The following MPP7 variants were observed in gnomAD, a reference collection of about 807,000 sequenced individuals.
The protein encoded by MPP7 is MAGUK p55 subfamily member 7.
Under a neutral mutation model 76.5 loss-of-function variants are expected in MPP7, and 60 were observed. The observed-to-expected ratio is 0.78, with a 90% CI of 0.64 to 0.97. The LOEUF (loss-of-function observed/expected upper bound fraction) is 0.97. MPP7 is among the 50% of genes least tolerant of loss of function. MPP7 has a pLI of 0.00. For synonymous variants in MPP7, 237 were observed against 244.5 expected (o/e 0.97, Z 0.29); for missense variants, 641 against 694.0 (o/e 0.92, Z 0.86).
chr10:28,304,500 C>A (rs1233527340), upstream of MPP7, among the ~76,000 whole-genome samples: 1 of 152,146 alleles, frequency 6.6e-6, no homozygotes, highest in African/African-American at 2.4e-5. Flanking sequence ...TCTTTTTTCT[C>A]TCTTACTTCC....
chr10:28,246,453 T>C (rs926828206), intron 1 of MPP7, among the ~76,000 whole-genome samples: 4 of 152,184 alleles, frequency 2.6e-5, no homozygotes, highest in African/African-American at 9.7e-5. Flanking sequence ...AGGGAGTCTT[T>C]CAAGTCTAAA....
chr10:28,134,457 T>C (rs1835292816), intron 5 of MPP7, among the ~76,000 whole-genome samples: 3 of 152,212 alleles, frequency 2.0e-5, no homozygotes, highest in African/African-American at 7.2e-5. Flanking sequence ...TTTGGTAACT[T>C]GCCCTTTCAC....
chr10:28,059,203 G>T (rs1363977645), intron 14 of MPP7, among the ~76,000 whole-genome samples: 1 of 152,232 alleles, frequency 6.6e-6, no homozygotes, highest in Non-Finnish European at 1.5e-5. Context: ...GCTAGCTAGA[G>T]AAGACGGTAC....
At chr10:28,321,911 T>C (rs1388010496) in intron 2 of MPP7, among the ~76,000 whole-genome samples, 1 of 150,738 alleles carries the variant, frequency 6.6e-6, no homozygotes, top group African/African-American at 2.5e-5. Flanking sequence ...TTATTTAGAC[T>C]GCATTATACC....
At chr10:28,122,531 T>C (rs908896065) in intron 8 of MPP7, among the ~76,000 whole-genome samples, 2 of 152,156 alleles carry the variant, frequency 1.3e-5, no homozygotes, top group East Asian at 1.9e-4. Context: ...CATATAAATA[T>C]ACCTATTTTC....
intron 11 of MPP7, among the ~76,000 whole-genome samples, chr10:28,115,111 T>G (rs1193718362): frequency 1.4e-5 from 2 of 142,170 alleles, no homozygotes; most frequent in African/African-American, 5.5e-5. Context: ...TTTGTTTTTG[T>G]TTTTTTTTGA....
intron 2 of MPP7, among the ~76,000 whole-genome samples, chr10:28,313,943 T>C (rs968222593): frequency 2.0e-5 from 3 of 146,492 alleles, no homozygotes; most frequent in Non-Finnish European, 3.0e-5. Flanking sequence ...TGGGCTCAAG[T>C]AGTCCTCCCG....
intron 3 of MPP7, among the ~76,000 whole-genome samples, chr10:28,181,380 G>A (rs1007102993): frequency 6.6e-6 from 1 of 152,094 alleles, no homozygotes; most frequent in Non-Finnish European, 1.5e-5. Flanking sequence ...TAAACCAGGT[G>A]GATAAAAATA....
At chr10:28,110,260 T>C (rs1834466914) in intron 11 of MPP7, among the ~76,000 whole-genome samples, 1 of 152,156 alleles carries the variant, frequency 6.6e-6, no homozygotes, top group Non-Finnish European at 1.5e-5. Context: ...CGGCTAATTT[T>C]TGTACTTTTA....
chr10:28,124,742 A>C (rs1002493820), intron 7 of MPP7, among the ~76,000 whole-genome samples: 8 of 151,810 alleles, frequency 5.3e-5, no homozygotes, highest in East Asian at 1.9e-4. Context: ...CTTGGCCTCC[A>C]AAAGTGCTGG....
intron 13 of MPP7, among the ~76,000 whole-genome samples, chr10:28,060,470 T>C (rs1851736915): frequency 6.6e-6 from 1 of 152,150 alleles, no homozygotes; most frequent in African/African-American, 2.4e-5. Context: ...CTAAAAACTA[T>C]GGATGCCAAG....
chr10:28,059,423 G>A, intron 14 of MPP7: 1 of 422,992 alleles, frequency 2.4e-6, no homozygotes, highest in East Asian at 4.5e-5. Flanking sequence ...ATTCTGCAAA[G>A]CAGTGTCTAC....
At chr10:28,129,545 G>A (rs1011031198) in intron 6 of MPP7, among the ~76,000 whole-genome samples, 39 of 149,842 alleles carry the variant, frequency 2.6e-4, no homozygotes, top group South Asian at 4.2e-4. Flanking sequence ...CCGAGATCAC[G>A]CCACTGCACT....
At chr10:28,153,554 AG>A (rs1282687546) in intron 3 of MPP7, among the ~76,000 whole-genome samples, 1 of 152,198 alleles carries the variant, frequency 6.6e-6, no homozygotes, top group Non-Finnish European at 1.5e-5. Context: ...ATTTGTAATC[AG>A]AAAACATCAG....
intron 2 of MPP7, among the ~76,000 whole-genome samples, chr10:28,236,087 G>C (rs1369061731): frequency 6.6e-6 from 1 of 152,124 alleles, no homozygotes; most frequent in Non-Finnish European, 1.5e-5. Flanking sequence ...TACAAGGATT[G>C]ACAATATTTA....
chr10:28,195,945 T>A (rs1837567839), intron 3 of MPP7, among the ~76,000 whole-genome samples: 1 of 152,202 alleles, frequency 6.6e-6, no homozygotes, highest in Non-Finnish European at 1.5e-5. Context: ...GTAGGTGAAT[T>A]ATATAGCTCA....
intron 16 of MPP7, among the ~76,000 whole-genome samples, chr10:28,054,699 T>C (rs560441308): frequency 5.1e-4 from 78 of 152,272 alleles, no homozygotes; most frequent in African/African-American, 1.6e-3. Flanking sequence ...TGTTTTGAGA[T>C]AGAGTCTCAC....
At chr10:28,300,004 T>C (rs1841117882) in intron 1 of MPP7, among the ~76,000 whole-genome samples, 1 of 152,066 alleles carries the variant, frequency 6.6e-6, no homozygotes, top group Non-Finnish European at 1.5e-5. Flanking sequence ...CCTGACCTTG[T>C]GATCCGCCCG....
At chr10:28,312,907 A>G (rs1410963635) in intron 2 of MPP7, among the ~76,000 whole-genome samples, 1 of 152,178 alleles carries the variant, frequency 6.6e-6, no homozygotes, top group Non-Finnish European at 1.5e-5. Flanking sequence ...TTCCACGTTG[A>G]AGATTAGGAA....
Sources: allele counts gnomAD v4.1 joint callset (sites outside exome capture counted in the v4.1 genomes callset), GRCh38; gene constraint gnomAD v4.1.1; transcripts MANE v1.5; gene names NCBI Gene and HGNC (gene_info 2026-07-23, HGNC 2026-07-21).